The following DLGAP1 variants were observed in gnomAD, a reference collection of about 807,000 sequenced individuals.
DLGAP1 encodes the protein disks large-associated protein 1.
Under a neutral mutation model 90.8 loss-of-function variants are expected in DLGAP1, and 11 were observed. That is an observed-to-expected ratio of 0.12 (90% CI 0.08 to 0.20). The LOEUF (loss-of-function observed/expected upper bound fraction) is 0.20, where lower values mean the gene tolerates loss of function less well. Among genes scored for constraint, DLGAP1 ranks in the 10% least tolerant of loss-of-function variants. The pLI, the probability that DLGAP1 is intolerant of heterozygous loss-of-function variation, is 1.00. For missense variants in DLGAP1, 1,050 were observed against 1,333.8 expected, an observed-to-expected ratio of 0.79 and a Z score of 3.31; for synonymous variants, 558 against 540.7, an observed-to-expected ratio of 1.03 and a Z score of -0.44.
At chr18:3,593,497 G>A (rs1267395052) in intron 7 of DLGAP1, among the ~76,000 whole-genome samples, 1 of 152,160 alleles carries the variant, frequency 6.6e-6, no homozygotes, top group Admixed American at 6.5e-5. Flanking sequence ...GTATCCCACA[G>A]TCTTCTCTCC....
chr18:3,940,048 C>T (rs2072735080), intron 3 of DLGAP1, among the ~76,000 whole-genome samples: 1 of 152,154 alleles, frequency 6.6e-6, no homozygotes, highest in Non-Finnish European at 1.5e-5. Context: ...GTGTGACTGC[C>T]AAGGCTGGGT....
intron 1 of DLGAP1, among the ~76,000 whole-genome samples, chr18:4,355,107 C>G (rs888515434): frequency 7.2e-5 from 11 of 152,010 alleles, no homozygotes; most frequent in African/African-American, 2.7e-4. Flanking sequence ...ACATATAACT[C>G]AGCAATGACA....
intron 1 of DLGAP1, among the ~76,000 whole-genome samples, chr18:4,152,637 T>C (rs1258779799): frequency 6.6e-6 from 1 of 152,160 alleles, no homozygotes; most frequent in East Asian, 1.9e-4. Flanking sequence ...TATGAAAGTG[T>C]TGTGGGTGGT....
At chr18:4,405,651 T>C (rs2082646910) in intron 1 of DLGAP1, among the ~76,000 whole-genome samples, 1 of 152,120 alleles carries the variant, frequency 6.6e-6, no homozygotes, top group Non-Finnish European at 1.5e-5. Flanking sequence ...TTTACACTCT[T>C]ACACTTAATA....
intron 1 of DLGAP1, among the ~76,000 whole-genome samples, chr18:4,158,931 G>C (rs11875161): frequency 0.066 from 9,961 of 152,022 alleles, 871 homozygotes; most frequent in East Asian, 0.25. Flanking sequence ...TTTGCAATCA[G>C]TCATACCTCA....
chr18:4,076,789 A>G (rs1023412003), intron 2 of DLGAP1, among the ~76,000 whole-genome samples: 1 of 151,826 alleles, frequency 6.6e-6, no homozygotes, highest in Non-Finnish European at 1.5e-5. Context: ...ACACCTGGCT[A>G]ATTTTTATAT....
Position 3,880,086 on chromosome 18 carries a change from C to T in DLGAP1, c.-18G>A, listed in dbSNP as rs546854771. 4.1e-5 allele frequency: 65 copies of T among 1,596,272 alleles called. No individual in the cohort carries two copies. Among genetic ancestry groups the T allele is most frequent in the Admixed American group, 6.7e-5 (4 of 59,916 alleles). On this transcript the variant is annotated 5_prime_UTR_variant, in exon 4 of 13. Transcript: ENST00000315677. ...CCTTTCATGGCGGACCGGAAGCAGC[C>T]GCCAGGGTCATGGACACCCGGAAGT...
intron 7 of DLGAP1, among the ~76,000 whole-genome samples, chr18:3,587,641 C>T (rs584885): frequency 0.15 from 23,278 of 152,126 alleles, 1,811 homozygotes; most frequent in East Asian, 0.24. Context: ...TGTTCTTTCG[C>T]TCTTCACAAT....
At chr18:4,415,381 G>A (rs992013335) in intron 1 of DLGAP1, among the ~76,000 whole-genome samples, 35 of 152,198 alleles carry the variant, frequency 2.3e-4, no homozygotes, top group African/African-American at 7.7e-4. Context: ...CAAAAATATT[G>A]TGGTGTTTGT....
chr18:4,164,525 C>CA (rs1289271777), intron 1 of DLGAP1, among the ~76,000 whole-genome samples: 1 of 151,840 alleles, frequency 6.6e-6, no homozygotes, highest in Non-Finnish European at 1.5e-5. Context: ...ACTAAAAATA[C>CA]AAAAATTAGC....
At chr18:4,400,228 G>T (rs571964875) in intron 1 of DLGAP1, among the ~76,000 whole-genome samples, 2 of 152,280 alleles carry the variant, frequency 1.3e-5, no homozygotes, top group South Asian at 2.1e-4. Context: ...GTTCCCTTTA[G>T]GACTAGAGGA....
chr18:4,270,010 A>G (rs2145347359), intron 1 of DLGAP1, among the ~76,000 whole-genome samples: 1 of 152,300 alleles, frequency 6.6e-6, no homozygotes, highest in Middle Eastern at 3.4e-3. Context: ...GCTATTCACA[A>G]TAGGATCCTT....
At chr18:3,536,538 C>T (rs1219559326) in intron 9 of DLGAP1, among the ~76,000 whole-genome samples, 1 of 152,086 alleles carries the variant, frequency 6.6e-6, no homozygotes, top group Non-Finnish European at 1.5e-5. Flanking sequence ...ACTGAGGTTT[C>T]AATAATTACC....
At chr18:3,819,355 A>G (rs1199320327) in intron 4 of DLGAP1, among the ~76,000 whole-genome samples, 1 of 152,180 alleles carries the variant, frequency 6.6e-6, no homozygotes, top group Non-Finnish European at 1.5e-5. Context: ...CATCATCAAT[A>G]AATTCTGACA....
chr18:3,723,158 T>C (rs1399530227), intron 7 of DLGAP1, among the ~76,000 whole-genome samples: 2 of 152,184 alleles, frequency 1.3e-5, no homozygotes, highest in African/African-American at 4.8e-5. Context: ...CAGGAACTAT[T>C]CAACTCTGCT....
intron 1 of DLGAP1, among the ~76,000 whole-genome samples, chr18:4,165,549 G>A (rs2076918907): frequency 6.6e-6 from 1 of 152,130 alleles, no homozygotes; most frequent in African/African-American, 2.4e-5. Context: ...AAGTAAAAGA[G>A]CAGAAATATG....
intron 2 of DLGAP1, among the ~76,000 whole-genome samples, chr18:4,134,503 T>C (rs187489552): frequency 3.4e-5 from 5 of 145,120 alleles, no homozygotes; most frequent in African/African-American, 1.2e-4. Flanking sequence ...AAAGCAGGAA[T>C]TTCAAAGTCG....
chr18:3,541,942 G>A (rs2052716379), intron 9 of DLGAP1, among the ~76,000 whole-genome samples: 1 of 152,032 alleles, frequency 6.6e-6, no homozygotes, highest in Admixed American at 6.5e-5. Flanking sequence ...ATTCACTGAG[G>A]CATTTGTTTC....
rs377389365 is a variant in DLGAP1 at position 4,038,942 on chromosome 18, A to C, written c.-158-33741T>G. ...CTGAAGTCTGAAATCCATTCCACTA[A>C]GTCAAAATCAAGGCGCCACAAGGGT... On this transcript the variant is annotated intron_variant, in intron 2 of 12. Coordinates refer to ENST00000315677, the MANE Select transcript of DLGAP1 (RefSeq NM_004746.4). Among the ~76,000 whole-genome samples, 450 of 152,190 alleles carry C rather than the reference A, an allele frequency of 3.0e-3. 3 individuals carry two copies. Among genetic ancestry groups the C allele is most frequent in the Middle Eastern group, 0.024 (7 of 294 alleles).
Sources: allele counts gnomAD v4.1 joint callset (sites outside exome capture counted in the v4.1 genomes callset), GRCh38; gene constraint gnomAD v4.1.1; transcripts MANE v1.5; gene names NCBI Gene and HGNC (gene_info 2026-07-23, HGNC 2026-07-21).